The following SLC9A9 variants were observed in gnomAD, a reference collection of about 807,000 sequenced individuals.
SLC9A9 encodes solute carrier family 9 member A9, also known as sodium/hydrogen exchanger 9.
In SLC9A9, 62 loss-of-function variants were observed where a neutral mutation model predicts 77.8. The ratio of observed to expected loss-of-function variants is 0.80; its 90% CI spans 0.65 to 0.98. The LOEUF (loss-of-function observed/expected upper bound fraction) is 0.98, where lower values mean the gene tolerates loss of function less well. Ranked by LOEUF, SLC9A9 falls within the 50% of genes least tolerant of loss-of-function variation. The probability of loss-of-function intolerance (pLI) is 0.00; values close to 1 mark genes in which losing one functional copy is unlikely to be tolerated. For missense variants in SLC9A9, 775 were observed against 774.9 expected, an observed-to-expected ratio of 1.00 and a Z score of 0.00; for synonymous variants, 320 against 283.5, an observed-to-expected ratio of 1.13 and a Z score of -1.29.
intron 14 of SLC9A9, among the ~76,000 whole-genome samples, chr3:143,363,194 G>T (rs1242275111): frequency 6.6e-6 from 1 of 152,170 alleles, no homozygotes; most frequent in African/African-American, 2.4e-5. Flanking sequence ...AGGGAGAACA[G>T]CAAAACAGCT....
chr3:143,341,142 ATC>A (rs1208953890), intron 14 of SLC9A9, among the ~76,000 whole-genome samples: 1 of 152,192 alleles, frequency 6.6e-6, no homozygotes, highest in African/African-American at 2.4e-5. Flanking sequence ...CGCTGGATGT[ATC>A]TCAGGATAGC....
chr3:143,812,862 C>A (rs764038433), intron 2 of SLC9A9, among the ~76,000 whole-genome samples: 2 of 152,144 alleles, frequency 1.3e-5, no homozygotes, highest in Non-Finnish European at 2.9e-5. Context: ...GAGACATGCA[C>A]AAGAAATAAA....
intron 14 of SLC9A9, among the ~76,000 whole-genome samples, chr3:143,305,892 G>A (rs913708818): frequency 6.6e-6 from 1 of 152,184 alleles, no homozygotes; most frequent in African/African-American, 2.4e-5. Context: ...GCTGTCAAGT[G>A]ATGGAAAAGA....
intron 9 of SLC9A9, among the ~76,000 whole-genome samples, chr3:143,550,370 T>G (rs2036859717): frequency 6.6e-6 from 1 of 152,204 alleles, no homozygotes; most frequent in Non-Finnish European, 1.5e-5. Context: ...CAATTCTCCA[T>G]CATTGCCTAT....
At chr3:143,572,119 GGCA>G (rs2037271076) in intron 8 of SLC9A9, among the ~76,000 whole-genome samples, 1 of 152,108 alleles carries the variant, frequency 6.6e-6, no homozygotes, top group Non-Finnish European at 1.5e-5. Flanking sequence ...TGGTCTGTAT[GGCA>G]GCTCAGTAAG....
chr3:143,848,227 G>C lies in SLC9A9; in HGVS notation c.96C>G (p.Ile32Met). 1 of 1,613,974 alleles carries C rather than the reference G, an allele frequency of 6.2e-7. No individual in the cohort carries two copies. Among genetic ancestry groups the C allele is most frequent in the South Asian group, 1.1e-5 (1 of 91,076 alleles). The change falls in exon 1 of 16, where the codon ATC becomes ATG. Residue 32 changes from isoleucine (I) to methionine (M), a missense_variant. Ile to Met is a conservative substitution (Grantham distance 10). Coordinates refer to ENST00000316549, the MANE Select transcript of SLC9A9 (RefSeq NM_173653.4). ...ATAACCAGATTGTCAAAATGGTAAG[G>C]ATGAGCAAAAAATTGAAGACAAGCA... ...VELLVFNFLL[I>M]LTILTIWLFK...
chr3:143,276,365 G>T (rs979455046), intron 14 of SLC9A9, among the ~76,000 whole-genome samples: 14 of 152,168 alleles, frequency 9.2e-5, no homozygotes, highest in African/African-American at 3.4e-4. Context: ...TTGTGGTATT[G>T]GTGGTTTGTC....
At chr3:143,658,087 G>T (rs1222892306) in intron 5 of SLC9A9, among the ~76,000 whole-genome samples, 1 of 152,100 alleles carries the variant, frequency 6.6e-6, no homozygotes, top group African/African-American at 2.4e-5. Flanking sequence ...GACTGGTCTT[G>T]AACTCCTGAC....
intron 11 of SLC9A9, among the ~76,000 whole-genome samples, chr3:143,493,041 G>A (rs570224687): frequency 2.0e-5 from 3 of 152,318 alleles, no homozygotes; most frequent in African/African-American, 7.2e-5. Flanking sequence ...CTTGAGGTAT[G>A]GTTTAAGCAA....
chr3:143,757,073 T>C (rs2006950411), intron 4 of SLC9A9, among the ~76,000 whole-genome samples: 1 of 152,120 alleles, frequency 6.6e-6, no homozygotes, highest in Non-Finnish European at 1.5e-5. Flanking sequence ...CAAGAGAAAT[T>C]GGAGAATTAA....
At chr3:143,329,905 C>T (rs1162605772) in intron 14 of SLC9A9, among the ~76,000 whole-genome samples, 5 of 152,222 alleles carry the variant, frequency 3.3e-5, no homozygotes, top group Admixed American at 2.0e-4. Flanking sequence ...CAGGTTCTGG[C>T]ACTGCGCCTT....
At chr3:143,811,985 C>G (rs2008880580) in intron 2 of SLC9A9, among the ~76,000 whole-genome samples, 1 of 151,926 alleles carries the variant, frequency 6.6e-6, no homozygotes, top group Non-Finnish European at 1.5e-5. Context: ...ACCTGGGGAA[C>G]AGAAATAGAC....
At chr3:143,817,389 C>T (rs903944670) in intron 2 of SLC9A9, among the ~76,000 whole-genome samples, 1 of 151,386 alleles carries the variant, frequency 6.6e-6, no homozygotes, top group Non-Finnish European at 1.5e-5. Flanking sequence ...ACCTCATGAT[C>T]CACCCGCCTC....
chr3:143,582,889 G>A (rs902387071), intron 6 of SLC9A9, among the ~76,000 whole-genome samples: 3 of 152,186 alleles, frequency 2.0e-5, no homozygotes, highest in African/African-American at 4.8e-5. Flanking sequence ...GCTCGCTCCT[G>A]TAATCCCAGC....
At chr3:143,800,742 A>G (rs1023904270) in intron 2 of SLC9A9, among the ~76,000 whole-genome samples, 26 of 152,160 alleles carry the variant, frequency 1.7e-4, no homozygotes, top group African/African-American at 6.0e-4. Context: ...TATTCAATAT[A>G]TTGATGACCT....
intron 11 of SLC9A9, among the ~76,000 whole-genome samples, chr3:143,467,864 A>G (rs976491126): frequency 6.6e-6 from 1 of 152,124 alleles, no homozygotes; most frequent in Non-Finnish European, 1.5e-5. Context: ...CCAGTAATCT[A>G]TTCTCTGTTA....
chr3:143,414,330 G>A (rs1178198915), intron 12 of SLC9A9, among the ~76,000 whole-genome samples: 6 of 152,182 alleles, frequency 3.9e-5, no homozygotes, highest in African/African-American at 1.4e-4. Flanking sequence ...TTGTGGTTCT[G>A]TATGTATGTG....
chr3:143,575,941 G>A (rs1308526099), intron 7 of SLC9A9, among the ~76,000 whole-genome samples: 3 of 152,064 alleles, frequency 2.0e-5, no homozygotes, highest in African/African-American at 4.8e-5. Flanking sequence ...AATACTGCAC[G>A]ATCAATGTCA....
At chr3:143,665,236 T>C (rs62270560) in intron 5 of SLC9A9, among the ~76,000 whole-genome samples, 21,644 of 152,118 alleles carry the variant, frequency 0.14, 2,208 homozygotes, top group African/African-American at 0.3. Flanking sequence ...TGAATGACTA[T>C]GGGGTAAATA....
Sources: gnomAD v4.1 joint callset for allele counts (sites outside exome capture counted in the v4.1 genomes callset) on GRCh38, gnomAD v4.1.1 for gene constraint, MANE v1.5 for transcripts, NCBI Gene and HGNC (gene_info 2026-07-23, HGNC 2026-07-21) for gene names.